Variants in NPAS3 observed in about 807,000 individuals in gnomAD.
NPAS3 encodes neuronal PAS domain-containing protein 3.
A neutral mutation model predicts 73.1 loss-of-function variants in NPAS3; 14 were observed. The observed-to-expected ratio is 0.19, with a 90% confidence interval of 0.13 to 0.30. The LOEUF (loss-of-function observed/expected upper bound fraction) is 0.30, where lower values mean the gene tolerates loss of function less well. Among genes scored for constraint, NPAS3 ranks in the 10% least tolerant of loss-of-function variants. The pLI, the probability that NPAS3 is intolerant of heterozygous loss-of-function variation, is 1.00. For synonymous variants in NPAS3, 620 were observed against 541.5 expected (o/e 1.14, Z -2.01); for missense variants, 1,096 against 1,250.0 (o/e 0.88, Z 1.86).
intron 2 of NPAS3, among the ~76,000 whole-genome samples, chr14:33,131,443 C>T (rs1032602627): frequency 6.6e-6 from 1 of 152,222 alleles, no homozygotes; most frequent in Non-Finnish European, 1.5e-5. Context: ...CGTGGTTAAG[C>T]AGATTTTTAT....
Position 33,301,324 on chromosome 14 carries a change from T to TATATATATATATATA in NPAS3, c.386-65862_386-65861insATATATATATATATA, listed in dbSNP as rs56204986. On this transcript the variant is annotated intron_variant, in intron 3 of 11. Coordinates refer to ENST00000356141, the Ensembl canonical transcript of NPAS3. Reference sequence around the variant, plus strand: ...TTTATCATTATATATATATATATATTTTTTTTTTTTAAATCTAGCTGTAAT... The same window carrying TATATATATATATATA: ...TTTATCATTATATATATATATATATTATATATATATATATATTTTTTTTTTAAATCTAGCTGTAAT... 4.9e-3 allele frequency among the ~76,000 whole-genome samples: 370 copies of TATATATATATATATA among 75,578 alleles called. 32 individuals carry two copies. Among genetic ancestry groups the TATATATATATATATA allele is most frequent in the Middle Eastern group, 0.013 (2 of 158 alleles). The allele number at this position is 75,578 out of a possible 152,430, so 49.6% of individuals were successfully genotyped here.
At chr14:33,378,795 G>T (rs1378746620) in intron 4 of NPAS3, among the ~76,000 whole-genome samples, 2 of 152,178 alleles carry the variant, frequency 1.3e-5, no homozygotes, top group Non-Finnish European at 2.9e-5. Context: ...TTTGTTTGGG[G>T]CATGCTGACA....
chr14:32,938,486 T>TAGAGAGAGAGAGAGAGA (rs1555372901), upstream of NPAS3, among the ~76,000 whole-genome samples: 1 of 55,906 alleles, frequency 1.8e-5, no homozygotes, highest in Non-Finnish European at 3.3e-5. Flanking sequence ...AGAGAGAAAT[T>TAGAGAGAGAGAGAGAGA]GAGAGAGAGA....
chr14:33,554,385 C>T (rs776328692), intron 4 of NPAS3, among the ~76,000 whole-genome samples: 7 of 152,306 alleles, frequency 4.6e-5, no homozygotes, highest in Non-Finnish European at 1.0e-4. Flanking sequence ...ATTTTCTCTG[C>T]AGTCTGAGCC....
chr14:33,096,282 A>C (rs902274114), intron 2 of NPAS3, among the ~76,000 whole-genome samples: 1 of 152,130 alleles, frequency 6.6e-6, no homozygotes, highest in Non-Finnish European at 1.5e-5. Context: ...CTGTGTAAAA[A>C]GTTGAATAGC....
chr14:33,741,818 A>G (rs1004117747), intron 7 of NPAS3, among the ~76,000 whole-genome samples: 6 of 152,198 alleles, frequency 3.9e-5, no homozygotes, highest in Non-Finnish European at 4.4e-5. Context: ...CAGAGATTTC[A>G]GGAAGCAGGT....
At chr14:33,704,335 T>A (rs1338731205) in intron 6 of NPAS3, among the ~76,000 whole-genome samples, 4 of 152,248 alleles carry the variant, frequency 2.6e-5, no homozygotes, top group Admixed American at 2.6e-4. Flanking sequence ...TAGCTAAAAA[T>A]TAATTGTTAA....
At chr14:33,424,246 T>C (rs2048465869) in intron 4 of NPAS3, among the ~76,000 whole-genome samples, 1 of 151,832 alleles carries the variant, frequency 6.6e-6, no homozygotes, top group Non-Finnish European at 1.5e-5. Flanking sequence ...GCAAAGAAAA[T>C]AGCATGTGCG....
At chr14:33,429,845 C>T (rs1312025932) in intron 4 of NPAS3, among the ~76,000 whole-genome samples, 1 of 152,166 alleles carries the variant, frequency 6.6e-6, no homozygotes, top group East Asian at 1.9e-4. Flanking sequence ...TAAATTGTTT[C>T]TGTTTTCCAT....
At chr14:32,995,348 T>C (rs2038523721) in intron 1 of NPAS3, among the ~76,000 whole-genome samples, 1 of 152,212 alleles carries the variant, frequency 6.6e-6, no homozygotes, top group African/African-American at 2.4e-5. Context: ...TTCTGCCTCC[T>C]ATTTGCCCCA....
intron 4 of NPAS3, among the ~76,000 whole-genome samples, chr14:33,394,353 G>A (rs375327677): frequency 2.0e-5 from 3 of 152,056 alleles, no homozygotes; most frequent in Admixed American, 6.6e-5. Flanking sequence ...AAAGGGGCAC[G>A]GTATATATTT....
chr14:33,053,389 T>A (rs1445975892), intron 1 of NPAS3, among the ~76,000 whole-genome samples: 1 of 152,210 alleles, frequency 6.6e-6, no homozygotes, highest in Non-Finnish European at 1.5e-5. Flanking sequence ...ATGTTTCACA[T>A]GTATGTAAAT....
At chr14:33,570,413 G>T (rs1353909055) in intron 5 of NPAS3, among the ~76,000 whole-genome samples, 1 of 152,142 alleles carries the variant, frequency 6.6e-6, no homozygotes, top group Non-Finnish European at 1.5e-5. Flanking sequence ...CTACATAACT[G>T]TGTGAATTAG....
chr14:33,085,038 C>T (rs1317629041), intron 2 of NPAS3, among the ~76,000 whole-genome samples: 1 of 152,122 alleles, frequency 6.6e-6, no homozygotes, highest in Non-Finnish European at 1.5e-5. Flanking sequence ...ACATTGATAC[C>T]TCTACAACTT....
chr14:33,496,260 AC>A (rs1444790479), intron 4 of NPAS3, among the ~76,000 whole-genome samples: 3 of 152,088 alleles, frequency 2.0e-5, no homozygotes, highest in African/African-American at 7.2e-5. Context: ...GCCAAATTCT[AC>A]CAGAGGTACA....
chr14:32,968,824 GC>G lies in NPAS3; in HGVS notation c.50+29459del, dbSNP rs1240260508. On this transcript the variant is annotated intron_variant, in intron 1 of 11. Coordinates refer to ENST00000356141, the Ensembl canonical transcript of NPAS3. ...GCTCTGGGGTACCTGTGCAGGGTGT[GC>G]AGGTTTGTTACATAGGTAAATGTGC... Among the ~76,000 whole-genome samples, 7 of 151,252 alleles carry G rather than the reference GC, an allele frequency of 4.6e-5. 1 individual carries two copies. The Middle Eastern group carries it at 0.014, about 296-fold the overall frequency.
In NPAS3 at chr14:33,017,613, A is replaced by G. The variant is rs985766167; in HGVS notation, c.51-38292A>G. 2.0e-5 allele frequency among the ~76,000 whole-genome samples: 3 copies of G among 152,160 alleles called. No homozygotes were observed. In the South Asian group the frequency reaches 6.2e-4, roughly 31 times the overall value. On this transcript the variant is annotated intron_variant, in intron 1 of 11. Coordinates refer to ENST00000356141, the Ensembl canonical transcript of NPAS3. ...TTTACAAGTCAGAAAATTAAAGAGG[A>G]CTGGTCATTGATGGTGTGGGGGTTA...
chr14:33,004,817 C>CTTTTTTTTTTTTTTTTTTTTTTTTTT, intron 1 of NPAS3, among the ~76,000 whole-genome samples: 880 of 63,696 alleles, frequency 0.014, 130 homozygotes, highest in Non-Finnish European at 0.021. Context: ...AAAAGTTTTC[C>CTTTTTTTTTTTTTTTTTTTTTTTTTT]TTTTTTTTTT....
intron 2 of NPAS3, among the ~76,000 whole-genome samples, chr14:33,190,988 C>A (rs2046151223): frequency 6.6e-6 from 1 of 152,128 alleles, no homozygotes; most frequent in Non-Finnish European, 1.5e-5. Context: ...TCTTTATTGT[C>A]TTTCCATAAG....
Sources: gnomAD v4.1 joint callset for allele counts (sites outside exome capture counted in the v4.1 genomes callset) on GRCh38, gnomAD v4.1.1 for gene constraint, MANE v1.5 for transcripts, NCBI Gene and HGNC (gene_info 2026-07-23, HGNC 2026-07-21) for gene names.